The following KCNQ3 variants were observed in gnomAD, a reference collection of about 807,000 sequenced individuals.
KCNQ3 encodes the protein potassium voltage-gated channel subfamily KQT member 3.
Under a neutral mutation model 92.5 loss-of-function variants are expected in KCNQ3, and 30 were observed. The ratio of observed to expected loss-of-function variants is 0.32; its 90% CI spans 0.24 to 0.44. The LOEUF is 0.44. KCNQ3 is among the 20% of genes least tolerant of loss of function. The pLI is 1.00. For missense variants in KCNQ3, 913 were observed against 1,140.3 expected (o/e 0.80, Z 2.87); for synonymous variants, 450 against 468.8 (o/e 0.96, Z 0.52).
intron 1 of KCNQ3, among the ~76,000 whole-genome samples, chr8:132,414,341 C>T (rs947662895): frequency 4.6e-5 from 7 of 152,290 alleles, no homozygotes; most frequent in Non-Finnish European, 8.8e-5. Flanking sequence ...TCCCCTCTAG[C>T]AGAGCTGAGA....
intron 1 of KCNQ3, among the ~76,000 whole-genome samples, chr8:132,353,237 C>A (rs1015902825): frequency 2.6e-5 from 4 of 151,886 alleles, no homozygotes; most frequent in African/African-American, 9.7e-5. Context: ...CCCCGACCCC[C>A]AGCCCTCCGC....
At chr8:132,327,671 C>T (rs192156733) in intron 1 of KCNQ3, among the ~76,000 whole-genome samples, 13 of 152,328 alleles carry the variant, frequency 8.5e-5, no homozygotes, top group African/African-American at 2.9e-4. Flanking sequence ...CCTGACACCC[C>T]AAGTACCTGC....
intron 9 of KCNQ3, among the ~76,000 whole-genome samples, chr8:132,158,364 A>T (rs928857863): frequency 4.6e-5 from 7 of 152,212 alleles, no homozygotes; most frequent in Non-Finnish European, 8.8e-5. Flanking sequence ...CATGTGGCTG[A>T]TGTCACAGGG....
intron 1 of KCNQ3, among the ~76,000 whole-genome samples, chr8:132,387,495 C>A (rs889284685): frequency 2.6e-5 from 4 of 152,038 alleles, no homozygotes; most frequent in Non-Finnish European, 5.9e-5. Flanking sequence ...AAAGGAAAGG[C>A]TTTAAGAAGT....
chr8:132,270,353 A>G (rs1816113555), intron 1 of KCNQ3, among the ~76,000 whole-genome samples: 1 of 152,220 alleles, frequency 6.6e-6, no homozygotes, highest in African/African-American at 2.4e-5. Context: ...TCCTAGTCAC[A>G]GGCATTTTAT....
intron 1 of KCNQ3, among the ~76,000 whole-genome samples, chr8:132,344,359 G>A (rs1818618986): frequency 6.6e-6 from 1 of 152,188 alleles, no homozygotes; most frequent in Admixed American, 6.5e-5. Context: ...CTACTGGGAG[G>A]CTATCTACCA....
chr8:132,288,842 A>G (rs944817733), intron 1 of KCNQ3, among the ~76,000 whole-genome samples: 3 of 152,234 alleles, frequency 2.0e-5, no homozygotes, highest in Non-Finnish European at 2.9e-5. Context: ...CGATGTGTCC[A>G]GGACATCTCA....
At chr8:132,423,762 T>C (rs1821033314) in intron 1 of KCNQ3, among the ~76,000 whole-genome samples, 1 of 152,166 alleles carries the variant, frequency 6.6e-6, no homozygotes, top group Admixed American at 6.5e-5. Flanking sequence ...CCCACGCTCC[T>C]GACCTTTGAG....
Position 132,129,127 on chromosome 8 carries a change from T to G in KCNQ3, c.*135A>C, listed in dbSNP as rs912064564. The stretch of plus-strand genomic sequence containing the variant: ...GAAGAGGCTGTGGGAAGCCCCTGCC[T>G]GGGTGGGGCCACCACGCACACGCAT... On this transcript the variant is annotated 3_prime_UTR_variant, in exon 15 of 15. Coordinates refer to ENST00000388996, the MANE Select transcript of KCNQ3 (RefSeq NM_004519.4). The surrounding 1 kb of genome is among the most constrained non-coding windows in gnomAD (Gnocchi z 5.9). 2 of 1,038,322 alleles carry G rather than the reference T, an allele frequency of 1.9e-6. No homozygotes were observed. The highest frequency in any genetic ancestry group is 1.6e-5 in the African/African-American group (1 of 63,680). The allele number at this position is 1,038,322 out of a possible 1,614,324, so 64.3% of individuals were successfully genotyped here. A position where few individuals can be genotyped will look rare whatever the true frequency, so the allele number is the denominator to read the frequency against.
chr8:132,472,573 G>C (rs996958670), intron 1 of KCNQ3, among the ~76,000 whole-genome samples: 4 of 152,160 alleles, frequency 2.6e-5, no homozygotes, highest in African/African-American at 9.7e-5. Context: ...TCATGGAGTA[G>C]AGAATAAAAT....
chr8:132,227,344 G>C (rs913140140), intron 1 of KCNQ3, among the ~76,000 whole-genome samples: 3 of 152,080 alleles, frequency 2.0e-5, no homozygotes, highest in African/African-American at 7.2e-5. Context: ...ACAGGCGTGA[G>C]CCACCACACC....
chr8:132,467,533 T>C (rs1344333768), intron 1 of KCNQ3, among the ~76,000 whole-genome samples: 1 of 151,970 alleles, frequency 6.6e-6, no homozygotes, highest in African/African-American at 2.4e-5. Flanking sequence ...AAAAGGGGGA[T>C]CTTAGCTCTG....
chr8:132,480,092 C>A, intron 1 of KCNQ3, 55 bp downstream of exon 1: 2 of 1,551,386 alleles, frequency 1.3e-6, no homozygotes, highest in Middle Eastern at 1.9e-4. Flanking sequence ...CAGCCCCGAC[C>A]CCAAGTCCCC....
chr8:132,171,815 T>C (rs1434819744), intron 7 of KCNQ3, among the ~76,000 whole-genome samples: 1 of 152,050 alleles, frequency 6.6e-6, no homozygotes, highest in Non-Finnish European at 1.5e-5. Flanking sequence ...GAAAGCCTAG[T>C]GCAGCCCCAG....
At chr8:132,362,622 G>A (rs992811221) in intron 1 of KCNQ3, among the ~76,000 whole-genome samples, 7 of 152,192 alleles carry the variant, frequency 4.6e-5, no homozygotes, top group African/African-American at 1.2e-4. Context: ...TCTGCTGAAC[G>A]GGAAGTCACC....
At chr8:132,182,880 T>TCG (rs777069422) in intron 3 of KCNQ3, among the ~76,000 whole-genome samples, 85 of 129,976 alleles carry the variant, frequency 6.5e-4, no homozygotes, top group African/African-American at 1.9e-3. Context: ...TCCTCCAATA[T>TCG]CGCACACACA....
intron 1 of KCNQ3, among the ~76,000 whole-genome samples, chr8:132,404,690 C>T (rs1174067246): frequency 6.6e-6 from 1 of 152,166 alleles, no homozygotes; most frequent in Non-Finnish European, 1.5e-5. Flanking sequence ...GGCTCTGCTT[C>T]TCTGGTGGTA....
At position 132,172,661 on chromosome 8, in the gene KCNQ3, C is replaced by A. The variant is rs750375617; in HGVS notation, c.1077G>T (p.Val359=). 6.2e-7 allele frequency: 1 copy of A among 1,613,954 alleles called. No individual in the cohort carries two copies. Among genetic ancestry groups the A allele is most frequent in the Non-Finnish European group, 8.5e-7 (1 of 1,180,036 alleles). Residue 359 remains valine, a synonymous_variant, in exon 7 of 15, where the codon GTG becomes GTT. Transcript: ENST00000388996. ...GILGSGLALK[V]QEQHRQKHFE... is the part of the protein sequence containing the mutation. ...AGTGCTTCTGACGGTGTTGCTCCTG[C>A]ACCTTGAGGGCCAGCCCGGACCCCA...
intron 1 of KCNQ3, among the ~76,000 whole-genome samples, chr8:132,384,493 A>T (rs1474677771): frequency 6.6e-6 from 1 of 152,198 alleles, no homozygotes; most frequent in Non-Finnish European, 1.5e-5. Context: ...AGAGGGCCCT[A>T]AAGACTTCTT....
Sources: allele counts gnomAD v4.1 joint callset (sites outside exome capture counted in the v4.1 genomes callset), GRCh38; gene constraint gnomAD v4.1.1; non-coding constraint Gnocchi (gnomAD v3.1); transcripts MANE v1.5; gene names NCBI Gene and HGNC (gene_info 2026-07-23, HGNC 2026-07-21).